DGKB: variants seen among roughly 807,000 people sequenced by gnomAD.
The protein encoded by DGKB is 90 kDa diacylglycerol kinase.
A neutral mutation model predicts 114.3 loss-of-function variants in DGKB; 67 were observed. The observed-to-expected ratio is 0.59, with a 90% CI of 0.48 to 0.72. The LOEUF is 0.72. Among genes scored for constraint, DGKB ranks in the 30% least tolerant of loss-of-function variants. DGKB has a pLI of 0.00. For synonymous variants in DGKB, 398 were observed against 323.1 expected (o/e 1.23, Z -2.49); for missense variants, 907 against 975.2 (o/e 0.93, Z 0.93).
At chr7:14,922,389 T>A (rs1784550125) in intron 1 of DGKB, among the ~76,000 whole-genome samples, 1 of 147,492 alleles carries the variant, frequency 6.8e-6, no homozygotes, top group Admixed American at 6.7e-5. Context: ...TGTGTGTGTG[T>A]GTGTGTGTGT....
chr7:14,219,314 A>T (rs547394213), intron 23 of DGKB, among the ~76,000 whole-genome samples: 1 of 151,890 alleles, frequency 6.6e-6, no homozygotes, highest in Non-Finnish European at 1.5e-5. Flanking sequence ...CAATGTTCTA[A>T]ATCTATGTTT....
At chr7:14,338,821 G>T (rs1411657649) in intron 22 of DGKB, 111 bp from the exon 23 acceptor site, 1 of 646,226 alleles carries the variant, frequency 1.5e-6, no homozygotes, top group African/African-American at 1.9e-5. Context: ...CCATAATGTT[G>T]TCATTTCCAA....
intron 15 of DGKB, among the ~76,000 whole-genome samples, chr7:14,615,844 T>C (rs1806409062): frequency 6.6e-6 from 1 of 151,708 alleles, no homozygotes; most frequent in Non-Finnish European, 1.5e-5. Flanking sequence ...TTCCAGATTC[T>C]GGTTTTCAGA....
chr7:14,582,525 G>A (rs1168199437), intron 18 of DGKB, among the ~76,000 whole-genome samples: 1 of 152,016 alleles, frequency 6.6e-6, no homozygotes, highest in Non-Finnish European at 1.5e-5. Context: ...CAAGTTTTAG[G>A]TTCCCTATCT....
chr7:14,359,609 G>T (rs1290407107), intron 21 of DGKB, among the ~76,000 whole-genome samples: 1 of 151,360 alleles, frequency 6.6e-6, no homozygotes, highest in Non-Finnish European at 1.5e-5. Context: ...AGAACTTAAA[G>T]AAATTTTCAA....
intron 1 of DGKB, among the ~76,000 whole-genome samples, chr7:14,941,584 C>T (rs962195151): frequency 6.6e-6 from 1 of 151,886 alleles, no homozygotes; most frequent in African/African-American, 2.4e-5. Context: ...TTACAGTTTA[C>T]CTAAAATTCT....
At chr7:14,921,776 C>T (rs1784519286) in intron 1 of DGKB, among the ~76,000 whole-genome samples, 2 of 152,132 alleles carry the variant, frequency 1.3e-5, no homozygotes, top group Admixed American at 1.3e-4. Flanking sequence ...ATTACTTTGA[C>T]AACTATACTA....
intron 20 of DGKB, among the ~76,000 whole-genome samples, chr7:14,570,645 A>G (rs1486325106): frequency 2.0e-5 from 3 of 152,172 alleles, no homozygotes; most frequent in Non-Finnish European, 2.9e-5. Context: ...GAAAATATAT[A>G]TACTATTCAT....
intron 1 of DGKB, among the ~76,000 whole-genome samples, chr7:14,895,725 G>C (rs1424936070): frequency 6.6e-6 from 1 of 151,546 alleles, no homozygotes; most frequent in Non-Finnish European, 1.5e-5. Flanking sequence ...CGTGGTATAA[G>C]TAAGTACTTC....
intron 2 of DGKB, among the ~76,000 whole-genome samples, chr7:14,789,066 C>T (rs772064617): frequency 6.3e-4 from 96 of 151,678 alleles, no homozygotes; most frequent in South Asian, 1.5e-3. Context: ...CTGCAGCTTA[C>T]CACTGGAGGA....
chr7:14,273,440 A>T (rs928526884), intron 23 of DGKB, among the ~76,000 whole-genome samples: 10 of 152,220 alleles, frequency 6.6e-5, no homozygotes, highest in Admixed American at 6.5e-4. Flanking sequence ...TTCAGATGTA[A>T]CAGTAAAGAT....
intron 5 of DGKB, among the ~76,000 whole-genome samples, chr7:14,732,526 A>C (rs1831075449): frequency 6.6e-6 from 1 of 151,624 alleles, no homozygotes; most frequent in Non-Finnish European, 1.5e-5. Context: ...CTTCTTCCTC[A>C]GGAAAAAAAA....
intron 2 of DGKB, among the ~76,000 whole-genome samples, chr7:14,835,243 G>A (rs1024679725): frequency 6.6e-6 from 1 of 152,160 alleles, no homozygotes; most frequent in Non-Finnish European, 1.5e-5. Context: ...TTTCAGATAA[G>A]TGTTTTAACT....
chr7:14,701,638 A>C (rs373220300), intron 7 of DGKB, 43 bp downstream of exon 7: 1 of 1,426,486 alleles, frequency 7.0e-7, no homozygotes, highest in Non-Finnish European at 9.9e-7. Context: ...CTTCAGAAGA[A>C]AATCTTTGAA....
chr7:14,543,922 G>A (rs1000521024), intron 20 of DGKB, among the ~76,000 whole-genome samples: 1 of 152,134 alleles, frequency 6.6e-6, no homozygotes, highest in African/African-American at 2.4e-5. Context: ...TTAAAATGAA[G>A]TATATAATGT....
chr7:14,383,167 T>C (rs17168123), intron 21 of DGKB, among the ~76,000 whole-genome samples: 336 of 152,226 alleles, frequency 2.2e-3, no homozygotes, highest in African/African-American at 7.6e-3. Context: ...TTATAATGGA[T>C]TGTTTTAATC....
chr7:14,754,286 T>C (rs1291750029), intron 3 of DGKB, among the ~76,000 whole-genome samples: 3 of 152,272 alleles, frequency 2.0e-5, no homozygotes, highest in South Asian at 2.1e-4. Flanking sequence ...GATCAATCTT[T>C]GTATATAATA....
intron 3 of DGKB, among the ~76,000 whole-genome samples, chr7:14,756,957 A>C (rs1220065793): frequency 6.6e-6 from 1 of 152,088 alleles, no homozygotes; most frequent in Non-Finnish European, 1.5e-5. Flanking sequence ...GTTATTTAAC[A>C]AGCAATTAGG....
chr7:14,673,804 G>C (rs1819403958), intron 12 of DGKB, among the ~76,000 whole-genome samples: 1 of 151,918 alleles, frequency 6.6e-6, no homozygotes, highest in African/African-American at 2.4e-5. Flanking sequence ...AATAATACTT[G>C]CTTGAGGGCA....
Sources: allele counts gnomAD v4.1 joint callset (sites outside exome capture counted in the v4.1 genomes callset), GRCh38; gene constraint gnomAD v4.1.1; transcripts MANE v1.5; gene names NCBI Gene and HGNC (gene_info 2026-07-23, HGNC 2026-07-21).